The following DENND6A variants were observed in gnomAD, a reference collection of about 807,000 sequenced individuals.
DENND6A encodes the protein protein DENND6A.
A neutral mutation model predicts 95.5 loss-of-function variants in DENND6A; 43 were observed. That is an observed-to-expected ratio of 0.45 (90% CI 0.35 to 0.58). The LOEUF (loss-of-function observed/expected upper bound fraction) is 0.58. Ranked by LOEUF, DENND6A falls within the 20% of genes least tolerant of loss-of-function variation. The probability of loss-of-function intolerance (pLI) is 0.00; values close to 1 mark genes in which losing one functional copy is unlikely to be tolerated. For missense variants in DENND6A, 574 were observed against 736.0 expected (o/e 0.78, Z 2.55); for synonymous variants, 257 against 260.4 (o/e 0.99, Z 0.13).
intron 13 of DENND6A, 25 bp downstream of exon 13, chr3:57,634,679 T>C (rs1009485014): frequency 2.6e-6 from 4 of 1,511,884 alleles, no homozygotes; most frequent in Non-Finnish European, 3.5e-6. Context: ...TAAATATATA[T>C]TTAAAAATCA....
chr3:57,689,920 C>T (rs1382305254), intron 1 of DENND6A, among the ~76,000 whole-genome samples: 2 of 151,266 alleles, frequency 1.3e-5, no homozygotes, highest in Non-Finnish European at 2.9e-5. Context: ...TAAAAATAGC[C>T]GGGTGTAGTG....
At chr3:57,673,443 G>T (rs1466473436) in intron 1 of DENND6A, among the ~76,000 whole-genome samples, 3 of 151,932 alleles carry the variant, frequency 2.0e-5, no homozygotes, top group East Asian at 1.9e-4. Flanking sequence ...AGTTTGAGAG[G>T]GGGGAATAAA....
chr3:57,663,950 A>T (rs2071484446), intron 4 of DENND6A, among the ~76,000 whole-genome samples: 1 of 152,198 alleles, frequency 6.6e-6, no homozygotes, highest in Non-Finnish European at 1.5e-5. Flanking sequence ...TGATGTGTGT[A>T]AAAGCTTAAA....
chr3:57,641,376 T>C (rs569270553), intron 12 of DENND6A, among the ~76,000 whole-genome samples: 159 of 146,014 alleles, frequency 1.1e-3, no homozygotes, highest in African/African-American at 3.7e-3. Context: ...AAAGCTAACA[T>C]TTTTAAGACT....
Position 57,689,248 on chromosome 3 carries a change from C to G in DENND6A, c.237+3534G>C, listed in dbSNP as rs149509245. Among the ~76,000 whole-genome samples the G allele has an allele frequency of 4.8e-4, 72 of 151,520 alleles. 1 individual carries two copies. Among genetic ancestry groups the G allele is most frequent in the Admixed American group, 3.5e-3 (53 of 15,198 alleles). On this transcript the variant is annotated intron_variant, in intron 1 of 19. Transcript: ENST00000311128. ...AATTACAGGCATGAGCCGCCATGCC[C>G]GGCCTAGTGTTTATGATTTCTTTAC...
chr3:57,682,897 C>T (rs889678161), intron 1 of DENND6A, among the ~76,000 whole-genome samples: 10 of 152,126 alleles, frequency 6.6e-5, no homozygotes, highest in Non-Finnish European at 1.0e-4. Flanking sequence ...AGGCTGGTCT[C>T]GGACTCCTGA....
Position 57,634,732 on chromosome 3 carries a change from C to T in DENND6A, c.1170G>A (p.Lys390=). The part of the protein sequence containing the change: ...IPKQVKVKKL[K]NLKTLDSKPG... ...GTTTGGAATCCAGAGTCTTTAGATT[C>T]TTCAGTTTTTTCACTTTAACCTGCT... The change falls in exon 13 of 20, where the codon AAG becomes AAA. Residue 390 remains lysine, a synonymous_variant. Transcript: ENST00000311128. 1.3e-6 allele frequency: 2 copies of T among 1,571,112 alleles called. No homozygotes were observed. Among genetic ancestry groups the T allele is most frequent in the Non-Finnish European group, 8.6e-7 (1 of 1,158,942 alleles).
chr3:57,672,129 A>T (rs1165151407), intron 3 of DENND6A, 127 bp downstream of exon 3: 1 of 906,046 alleles, frequency 1.1e-6, no homozygotes, highest in East Asian at 2.8e-5. Flanking sequence ...CATCATTAAA[A>T]TAGGAATAAA....
chr3:57,631,050 G>A, intron 15 of DENND6A, 72 bp from the exon 16 acceptor site: 1 of 1,448,804 alleles, frequency 6.9e-7, no homozygotes, highest in Non-Finnish European at 9.5e-7. Context: ...TAAAAGGAAT[G>A]GGTCTTTTAA....
chr3:57,632,569 T>C (rs1458349882), intron 15 of DENND6A, among the ~76,000 whole-genome samples: 3 of 152,146 alleles, frequency 2.0e-5, no homozygotes, highest in African/African-American at 7.2e-5. Flanking sequence ...GACCAAGAAA[T>C]AATATTTCTT....
intron 1 of DENND6A, among the ~76,000 whole-genome samples, chr3:57,689,803 C>T (rs1262527854): frequency 1.5e-4 from 23 of 152,162 alleles, no homozygotes; most frequent in Admixed American, 1.4e-3. Context: ...TGGCTCAACA[C>T]CTATAATCCC....
chr3:57,677,365 A>G (rs111650145), intron 1 of DENND6A, among the ~76,000 whole-genome samples: 1,548 of 151,614 alleles, frequency 0.01, 18 homozygotes, highest in African/African-American at 0.036. Flanking sequence ...CTTTGCAATA[A>G]CATGAATCAA....
At chr3:57,660,950 T>C (rs1306416457) in intron 6 of DENND6A, 111 bp from the exon 7 acceptor site, 5 of 919,080 alleles carry the variant, frequency 5.4e-6, no homozygotes, top group African/African-American at 1.7e-5. Context: ...AAAATATACC[T>C]GGAAGAATGA....
intron 1 of DENND6A, among the ~76,000 whole-genome samples, chr3:57,689,585 G>A (rs1453523763): frequency 3.3e-5 from 5 of 152,092 alleles, no homozygotes; most frequent in Admixed American, 1.3e-4. Flanking sequence ...ACTTAGGACA[G>A]GGCCTTAAAA....
intron 8 of DENND6A, among the ~76,000 whole-genome samples, 168 bp downstream of exon 8, chr3:57,658,950 G>C (rs2071376523): frequency 6.6e-6 from 1 of 151,948 alleles, no homozygotes; most frequent in Non-Finnish European, 1.5e-5. Context: ...AAGACCCTAA[G>C]AAACATTAGA....
At chr3:57,661,640 A>C in intron 5 of DENND6A, 89 bp from the exon 6 acceptor site, 1 of 1,035,870 alleles carries the variant, frequency 9.7e-7, no homozygotes, top group Admixed American at 3.3e-5. Context: ...ATTCAGCAAA[A>C]AGTGTGGATT....
chr3:57,653,525 C>T (rs898435082), intron 9 of DENND6A, among the ~76,000 whole-genome samples: 4 of 151,694 alleles, frequency 2.6e-5, no homozygotes, highest in South Asian at 2.1e-4. Context: ...GCGGGCAGAT[C>T]GTGAGGTCAG....
At chr3:57,690,229 G>A (rs2077249825) in intron 1 of DENND6A, among the ~76,000 whole-genome samples, 1 of 152,046 alleles carries the variant, frequency 6.6e-6, no homozygotes, top group Admixed American at 6.6e-5. Flanking sequence ...GGGCAGGCCA[G>A]GCGCGGTGGC....
chr3:57,646,371 CA>C lies in DENND6A; in HGVS notation c.885del (p.Val296TrpfsTer24), dbSNP rs1485482173. 42 of 1,614,056 alleles carry C rather than the reference CA, an allele frequency of 2.6e-5. No homozygotes were observed. The highest frequency in any genetic ancestry group is 3.6e-5 in the Non-Finnish European group (42 of 1,180,014). ...TCCGATGGTGATGGCGCCATAACCA[CA>C]AGGGGCTCCCCCAACAGCACCAGCT... ...LWELVLLGEP[L>X]VVMAPSPSES... On this transcript the variant is annotated frameshift_variant, in exon 10 of 20. Transcript: ENST00000311128. LOFTEE classifies it high-confidence loss of function.
Sources: gnomAD v4.1 joint callset for allele counts (sites outside exome capture counted in the v4.1 genomes callset) on GRCh38, gnomAD v4.1.1 for gene constraint, MANE v1.5 for transcripts, NCBI Gene and HGNC (gene_info 2026-07-23, HGNC 2026-07-21) for gene names.